TSBP1: variants seen among roughly 807,000 people sequenced by gnomAD.
TSBP1 encodes testis expressed basic protein 1.
Under a neutral mutation model 68.8 loss-of-function variants are expected in TSBP1, and 56 were observed. The ratio of observed to expected loss-of-function variants is 0.81; its 90% CI spans 0.66 to 1.02. The LOEUF (loss-of-function observed/expected upper bound fraction) is 1.02, where lower values mean the gene tolerates loss of function less well. Among genes scored for constraint, TSBP1 ranks in the 50% least tolerant of loss-of-function variants. The pLI, the probability that TSBP1 is intolerant of heterozygous loss-of-function variation, is 0.00. For missense variants in TSBP1, 502 were observed against 641.2 expected, an observed-to-expected ratio of 0.78 and a Z score of 2.34; for synonymous variants, 171 against 208.7, an observed-to-expected ratio of 0.82 and a Z score of 1.56.
intron 19 of TSBP1, among the ~76,000 whole-genome samples, chr6:32,312,316 A>ACAACGGTGGGAATTATAG (rs1766486762): frequency 6.6e-6 from 1 of 152,152 alleles, no homozygotes; most frequent in African/African-American, 2.4e-5. Flanking sequence ...GGGAATTATA[A>ACAACGGTGGGAATTATAG]CAACGGTGGG....
intron 19 of TSBP1, among the ~76,000 whole-genome samples, chr6:32,310,100 A>G (rs767461273): frequency 6.6e-6 from 1 of 152,056 alleles, no homozygotes; most frequent in Non-Finnish European, 1.5e-5. Context: ...TTTGGATTTC[A>G]TTCTTGTTCT....
chr6:32,323,250 T>C, intron 17 of TSBP1, 113 bp from the exon 19 acceptor site: 1 of 714,742 alleles, frequency 1.4e-6, no homozygotes, highest in South Asian at 1.7e-5. Context: ...GTCTAAATTA[T>C]GATTCTATGA....
chr6:32,358,111 A>G lies in TSBP1; in HGVS notation c.218-2442T>C, dbSNP rs868431908. 3.1e-4 allele frequency among the ~76,000 whole-genome samples: 47 copies of G among 152,328 alleles called. 1 individual carries two copies. Among genetic ancestry groups the G allele is most frequent in the African/African-American group, 1.1e-3 (46 of 41,578 alleles). On this transcript the variant is annotated intron_variant, in intron 6 of 22. Coordinates refer to ENST00000612031, the Ensembl canonical transcript of TSBP1. ...AGATATTCAATATTAATAAAATGAA[A>G]AAATGCTCACCAGAATGACTAACAT...
chr6:32,371,177 G>C (rs990441187), intron 1 of TSBP1, among the ~76,000 whole-genome samples: 10 of 63,234 alleles, frequency 1.6e-4, no homozygotes, highest in Non-Finnish European at 3.4e-4. Flanking sequence ...TCTATTATGT[G>C]AATTTTTTTT....
chr6:32,326,603 A>G (rs745698090), intron 16 of TSBP1, among the ~76,000 whole-genome samples: 6 of 152,252 alleles, frequency 3.9e-5, no homozygotes, highest in African/African-American at 7.2e-5. Context: ...GATATGTTAG[A>G]CACTGCTGGA....
Position 32,325,347 on chromosome 6 carries a change from TG to T in TSBP1, c.515-1734del, listed in dbSNP as rs1768106421. ...AGCAGTGAGGGACACTCCCGGACAG[TG>T]TGGTCATGAGAGATCCAAACCCAAG... On this transcript the variant is annotated intron_variant, in intron 16 of 22. Transcript: ENST00000612031. This position sits in a 1 kb window ranked among gnomAD's most constrained non-coding sequence, Gnocchi z 4.4. The T allele has an allele frequency of 9.6e-7, 1 of 1,041,394 alleles. No homozygotes were observed. Among genetic ancestry groups the T allele is most frequent in the African/African-American group, 1.6e-5 (1 of 63,036 alleles). 64.5% of individuals were successfully genotyped at this position (1,041,394 alleles called of 1,614,324 possible).
Position 32,343,579 on chromosome 6 carries a change from C to T in TSBP1, c.350-3941G>A, listed in dbSNP as rs139595484. ...TTTTCAGTTTGGAGAGTCTTCTTTC[C>T]CTAATGTGATAGCCTCAAGAACCAA... On this transcript the variant is annotated intron_variant, in intron 9 of 22. Coordinates refer to ENST00000612031, the Ensembl canonical transcript of TSBP1. The surrounding 1 kb of genome is among the most constrained non-coding windows in gnomAD (Gnocchi z 4.3). 6.6e-6 allele frequency among the ~76,000 whole-genome samples: 1 copy of T among 152,094 alleles called. No homozygotes were observed. Among genetic ancestry groups the T allele is most frequent in the African/African-American group, 2.4e-5 (1 of 41,488 alleles).
Position 32,346,003 on chromosome 6 carries a change from A to ATT in TSBP1, c.349+3735_349+3736dup, listed in dbSNP as rs1164787889. ...TAATCCCAAAATGTGTCATATCCTC[A>ATT]TTTTTTTTTTTTTTTTTTTTTTGAG... On this transcript the variant is annotated intron_variant, in intron 9 of 22. Transcript: ENST00000612031. Among the ~76,000 whole-genome samples, 96 of 51,768 alleles carry ATT rather than the reference A, an allele frequency of 1.9e-3. 17 individuals carry two copies. The highest frequency in any genetic ancestry group is 3.5e-3 in the African/African-American group (54 of 15,528). 34.0% of individuals were successfully genotyped at this position (51,768 alleles called of 152,430 possible).
At chr6:32,364,078 A>G (rs1211537507) in intron 6 of TSBP1, among the ~76,000 whole-genome samples, 1 of 152,146 alleles carries the variant, frequency 6.6e-6, no homozygotes, top group African/African-American at 2.4e-5. Flanking sequence ...TGGCCTAGAA[A>G]ATGTCTGCAT....
At chr6:32,330,606 T>G (rs1324556384) in exon 16 of TSBP1, 4 of 1,602,164 alleles carry the variant, frequency 2.5e-6, no homozygotes, top group Non-Finnish European at 3.4e-6. Flanking sequence ...TCCAGGATAT[T>G]GTACTAAAAA....
Position 32,315,831 on chromosome 6 carries a change from C to G in TSBP1, c.560-39G>C, listed in dbSNP as rs1256190284. On this transcript the variant is annotated intron_variant, in intron 18 of 22. Coordinates refer to ENST00000612031, the Ensembl canonical transcript of TSBP1. This position sits in a 1 kb window ranked among gnomAD's most constrained non-coding sequence, Gnocchi z 5.4. ...AAAAAGAAATCCATTTAATTTTTCT[C>G]AAATGGAGAAAACATAGCATTATCT... The G allele has an allele frequency of 1.5e-6, 2 of 1,335,110 alleles. No individual in the cohort carries two copies. The highest frequency in any genetic ancestry group is 1.5e-5 in the African/African-American group (1 of 68,494). 82.7% of individuals were successfully genotyped at this position (1,335,110 alleles called of 1,614,324 possible).
intron 20 of TSBP1, among the ~76,000 whole-genome samples, chr6:32,301,716 A>C (rs1434108895): frequency 6.6e-6 from 1 of 151,898 alleles, no homozygotes; most frequent in Non-Finnish European, 1.5e-5. Flanking sequence ...TTTTAAAAAA[A>C]AAAAAAAAGC....
rs1048754977 is a variant in TSBP1, at chr6:32,367,861, G to A, written c.166+64C>T. 8 of 1,238,160 alleles carry A rather than the reference G, an allele frequency of 6.5e-6. No individual in the cohort carries two copies. In the African/African-American group the frequency reaches 9.1e-5, roughly 14 times the overall value. The allele number at this position is 1,238,160 out of a possible 1,614,324, so 76.7% of individuals were successfully genotyped here. ...ACAAATCATGCTCAAATGGAGATGA[G>A]TTGATTCACACTCTAAAGAGTATAT... On this transcript the variant is annotated intron_variant, in intron 4 of 22. Coordinates refer to ENST00000612031, the Ensembl canonical transcript of TSBP1.
At chr6:32,323,051 C>T in intron 18 of TSBP1, 66 bp downstream of exon 19, 1 of 1,220,750 alleles carries the variant, frequency 8.2e-7, no homozygotes, top group Non-Finnish European at 1.2e-6. Context: ...ACTCAAATCA[C>T]TTTGACAGAA....
At position 32,294,045 on chromosome 6, in the gene TSBP1, C is replaced by T. The variant is rs1764449634; in HGVS notation, c.638-10G>A. The T allele has an allele frequency of 1.2e-6, 2 of 1,603,630 alleles. No homozygotes were observed. Among genetic ancestry groups the T allele is most frequent in the Non-Finnish European group, 1.7e-6 (2 of 1,178,314 alleles). ...TAACCTGTTAATATAACTGAGCATACAACAAAAGGGCGTGATTTAGATATC... is the reference window on the plus strand; with the variant it reads ...TAACCTGTTAATATAACTGAGCATATAACAAAAGGGCGTGATTTAGATATC... On this transcript the variant is annotated splice_polypyrimidine_tract_variant and intron_variant, in intron 22 of 22. Transcript: ENST00000612031.
At chr6:32,318,001 C>T (rs1562094001) in intron 18 of TSBP1, among the ~76,000 whole-genome samples, 2 of 152,090 alleles carry the variant, frequency 1.3e-5, no homozygotes, top group African/African-American at 4.8e-5. Flanking sequence ...AAGAAACACA[C>T]GTGTGTTTAT....
intron 18 of TSBP1, among the ~76,000 whole-genome samples, chr6:32,317,451 G>A (rs9268222): frequency 0.2 from 30,956 of 152,028 alleles, 3,301 homozygotes; most frequent in Non-Finnish European, 0.21. Context: ...AGCAAAAATT[G>A]ACAGATGGGA....
At chr6:32,339,360 T>C (rs2022534) in intron 10 of TSBP1, 226,671 of 610,580 alleles carry the variant, frequency 0.37, 45,207 homozygotes, top group Middle Eastern at 0.52. Context: ...TTGAAATCAG[T>C]CTCAAATTCC....
chr6:32,299,320 C>T (rs1346585771), intron 22 of TSBP1, among the ~76,000 whole-genome samples: 1 of 152,186 alleles, frequency 6.6e-6, no homozygotes, highest in Non-Finnish European at 1.5e-5. Context: ...ATAGTCAATG[C>T]TCAATACCTA....
Sources: gnomAD v4.1 joint callset for allele counts (sites outside exome capture counted in the v4.1 genomes callset) on GRCh38, gnomAD v4.1.1 for gene constraint, Gnocchi (gnomAD v3.1) non-coding constraint, MANE v1.5 for transcripts, NCBI Gene and HGNC (gene_info 2026-07-23, HGNC 2026-07-21) for gene names.